Variants in ADAMTS17 observed in about 807,000 individuals in gnomAD.
The protein encoded by ADAMTS17 is A disintegrin and metalloproteinase with thrombospondin motifs 17.
ADAMTS17 carries 113 observed loss-of-function variants against 141.5 expected under a neutral mutation model. The observed-to-expected ratio is 0.80, with a 90% CI of 0.69 to 0.93. ADAMTS17 has a LOEUF of 0.93. ADAMTS17 is among the 40% of genes least tolerant of loss of function. The probability of loss-of-function intolerance (pLI) is 0.00; values close to 1 mark genes in which losing one functional copy is unlikely to be tolerated. For missense variants in ADAMTS17, 1,659 were observed against 1,517.9 expected, an observed-to-expected ratio of 1.09 and a Z score of -1.54; for synonymous variants, 768 against 630.6, an observed-to-expected ratio of 1.22 and a Z score of -3.27.
At chr15:100,307,646 G>GT (rs923316212) in intron 3 of ADAMTS17, among the ~76,000 whole-genome samples, 2 of 152,210 alleles carry the variant, frequency 1.3e-5, no homozygotes, top group Non-Finnish European at 2.9e-5. Context: ...TTATCCAGCT[G>GT]TAATGGGAAC....
chr15:100,293,646 T>G (rs997634159), intron 3 of ADAMTS17, among the ~76,000 whole-genome samples: 2 of 152,190 alleles, frequency 1.3e-5, no homozygotes, highest in African/African-American at 4.8e-5. Context: ...TTGGAACGCC[T>G]CCTGGCCACC....
At chr15:100,004,372 C>A (rs372588449) in intron 18 of ADAMTS17, among the ~76,000 whole-genome samples, 1 of 152,200 alleles carries the variant, frequency 6.6e-6, no homozygotes, top group East Asian at 1.9e-4. Context: ...CCCAACCCCC[C>A]CTGGCTCCAG....
intron 3 of ADAMTS17, among the ~76,000 whole-genome samples, chr15:100,289,542 ACACACT>A (rs1384704598): frequency 7.9e-6 from 1 of 126,480 alleles, no homozygotes; most frequent in Non-Finnish European, 1.7e-5. Context: ...ACACACATAC[ACACACT>A]CACACACACA....
At chr15:100,243,939 G>A (rs1479374633) in intron 7 of ADAMTS17, among the ~76,000 whole-genome samples, 1 of 152,134 alleles carries the variant, frequency 6.6e-6, no homozygotes, top group Non-Finnish European at 1.5e-5. Context: ...TGAGAAAACA[G>A]AGCAGGGGAT....
At chr15:100,222,261 T>G (rs1292607343) in intron 7 of ADAMTS17, among the ~76,000 whole-genome samples, 4 of 152,188 alleles carry the variant, frequency 2.6e-5, no homozygotes, top group Non-Finnish European at 5.9e-5. Context: ...TGCCGCTTCA[T>G]GCAGACAGTT....
intron 18 of ADAMTS17, among the ~76,000 whole-genome samples, chr15:100,019,429 A>G (rs1179028533): frequency 6.6e-6 from 1 of 152,220 alleles, no homozygotes; most frequent in Non-Finnish European, 1.5e-5. Context: ...AGACGTGTTT[A>G]TTAGTTAATC....
chr15:100,177,204 G>A (rs552195668), intron 8 of ADAMTS17, among the ~76,000 whole-genome samples: 30 of 152,346 alleles, frequency 2.0e-4, no homozygotes, highest in African/African-American at 5.3e-4. Flanking sequence ...CATTTTACGC[G>A]TGCCTTTCTA....
chr15:100,043,342 G>T (rs541092720), intron 18 of ADAMTS17, among the ~76,000 whole-genome samples: 1 of 152,202 alleles, frequency 6.6e-6, no homozygotes, highest in Non-Finnish European at 1.5e-5. Flanking sequence ...CAGTCAGGAA[G>T]GGAGTGTAAG....
At chr15:100,249,156 C>T (rs1436831918) in intron 7 of ADAMTS17, among the ~76,000 whole-genome samples, 1 of 152,154 alleles carries the variant, frequency 6.6e-6, no homozygotes, top group African/African-American at 2.4e-5. Context: ...CCACCCAGTA[C>T]AGAGGAGTGT....
intron 4 of ADAMTS17, among the ~76,000 whole-genome samples, chr15:100,270,380 G>A (rs1206290617): frequency 2.0e-5 from 3 of 152,196 alleles, no homozygotes; most frequent in African/African-American, 4.8e-5. Flanking sequence ...CAGGGGCTGT[G>A]TAGGAAGTAT....
At chr15:100,117,187 G>A (rs1443158458) in intron 12 of ADAMTS17, among the ~76,000 whole-genome samples, 174 bp from the exon 13 acceptor site, 2 of 152,264 alleles carry the variant, frequency 1.3e-5, no homozygotes, top group East Asian at 1.9e-4. Flanking sequence ...CCACACTGCC[G>A]GCATGTTTAA....
chr15:100,107,208 T>G (rs1596450851), intron 14 of ADAMTS17, among the ~76,000 whole-genome samples: 1 of 152,202 alleles, frequency 6.6e-6, no homozygotes. Context: ...CTTGTTCTGT[T>G]TGTCACGCAC....
intron 10 of ADAMTS17, among the ~76,000 whole-genome samples, chr15:100,140,535 A>T (rs2038590721): frequency 1.4e-5 from 2 of 146,558 alleles, no homozygotes; most frequent in Non-Finnish European, 3.0e-5. Flanking sequence ...GAATGTATGA[A>T]TGGGATGAAT....
intron 6 of ADAMTS17, 102 bp downstream of exon 6, chr15:100,261,377 C>G: frequency 6.5e-7 from 1 of 1,544,066 alleles, no homozygotes; most frequent in Non-Finnish European, 8.8e-7. Flanking sequence ...GGCCCAAGGT[C>G]TGATTTCCAA....
rs563123304 is a variant in ADAMTS17 at position 100,223,882 on chromosome 15, A to G, written c.1076-24459T>C. On this transcript the variant is annotated intron_variant, in intron 7 of 21. Coordinates refer to ENST00000268070, the MANE Select transcript of ADAMTS17 (RefSeq NM_139057.4). ...ACTTATACATTCACAAGGTCCCCCA[A>G]TAGGCTGTCTGCAAGCTGAGGAGCA... Among the ~76,000 whole-genome samples, 16 of 152,202 alleles carry G rather than the reference A, an allele frequency of 1.1e-4. No homozygotes were observed. In the South Asian group the frequency reaches 2.3e-3, roughly 22 times the overall value.
At chr15:100,239,751 G>A (rs1396094895) in intron 7 of ADAMTS17, among the ~76,000 whole-genome samples, 1 of 152,210 alleles carries the variant, frequency 6.6e-6, no homozygotes, top group East Asian at 1.9e-4. Flanking sequence ...GTGGCCAGGA[G>A]GAAGGTGGAC....
intron 10 of ADAMTS17, among the ~76,000 whole-genome samples, chr15:100,143,768 G>A (rs1305160871): frequency 6.6e-6 from 1 of 152,210 alleles, no homozygotes; most frequent in African/African-American, 2.4e-5. Flanking sequence ...GCAAATGTTT[G>A]AGAAACCAGC....
intron 18 of ADAMTS17, among the ~76,000 whole-genome samples, chr15:100,047,821 TC>T (rs2031827592): frequency 6.6e-6 from 1 of 152,176 alleles, no homozygotes; most frequent in Non-Finnish European, 1.5e-5. Context: ...GATGGACTGA[TC>T]GATAGGTTCG....
At position 99,973,024 on chromosome 15, in the gene ADAMTS17, A is replaced by C. The variant is rs1325733656; in HGVS notation, c.*1378T>G. 2 of 152,086 alleles carry C rather than the reference A, an allele frequency of 1.3e-5. No individual in the cohort carries two copies. Among genetic ancestry groups the C allele is most frequent in the Non-Finnish European group, 2.9e-5 (2 of 68,024 alleles). The allele number at this position is 152,086 out of a possible 1,614,324, so 9.4% of individuals were successfully genotyped here. ...CATAAGCACCCATGAAATGCCCACC[A>C]AGTTGGTGAGCAAAACAGGCCTCCT... On this transcript the variant is annotated 3_prime_UTR_variant, in exon 22 of 22. Coordinates refer to ENST00000268070, the MANE Select transcript of ADAMTS17 (RefSeq NM_139057.4).
Sources: allele counts gnomAD v4.1 joint callset (sites outside exome capture counted in the v4.1 genomes callset), GRCh38; gene constraint gnomAD v4.1.1; transcripts MANE v1.5; gene names NCBI Gene and HGNC (gene_info 2026-07-23, HGNC 2026-07-21).